CEP72: variants seen among roughly 807,000 people sequenced by gnomAD.
CEP72 encodes centrosomal protein of 72 kDa.
A neutral mutation model predicts 65.7 loss-of-function variants in CEP72; 78 were observed. The observed-to-expected ratio is 1.19, with a 90% CI of 0.99 to 1.43. The LOEUF is 1.43. Ranked by LOEUF, CEP72 falls within the 40% of genes most tolerant of loss-of-function variation. CEP72 has a pLI of 0.00. For synonymous variants in CEP72, 358 were observed against 351.7 expected, an observed-to-expected ratio of 1.02 and a Z score of -0.20; for missense variants, 914 against 832.9, an observed-to-expected ratio of 1.10 and a Z score of -1.20.
In CEP72 at chr5:645,870, T is replaced by C. The variant is rs183572030; in HGVS notation, c.1666+1445T>C. Among the ~76,000 whole-genome samples the C allele has an allele frequency of 8.6e-4, 131 of 152,364 alleles. No individual in the cohort carries two copies. Among genetic ancestry groups the C allele is most frequent in the African/African-American group, 3.1e-3 (128 of 41,582 alleles). ...ATGTTCTTGTGACTAGAAATTGCTG[T>C]GTGAGCGTCACTCCTGCTCCCGTCG... On this transcript the variant is annotated intron_variant, in intron 10 of 11. Transcript: ENST00000264935. This position sits in a 1 kb window ranked among gnomAD's most constrained non-coding sequence, Gnocchi z 4.0.
chr5:645,929 A>T lies in CEP72; in HGVS notation c.1666+1504A>T, dbSNP rs1375131309. Among the ~76,000 whole-genome samples, 1 of 143,966 alleles carries T rather than the reference A, an allele frequency of 6.9e-6. No homozygotes were observed. The highest frequency in any genetic ancestry group is 2.1e-4 in the East Asian group (1 of 4,876). 94.4% of individuals were successfully genotyped at this position (143,966 alleles called of 152,430 possible). A position where few individuals can be genotyped will look rare whatever the true frequency, so the allele number is the denominator to read the frequency against. ...TGTGGACGGTGAATTCGGCTTCGTT[A>T]CACTGTGTGAGCGTCACTCCTGCTC... On this transcript the variant is annotated intron_variant, in intron 10 of 11. Coordinates refer to ENST00000264935, the MANE Select transcript of CEP72 (RefSeq NM_018140.4). The surrounding 1 kb of genome is among the most constrained non-coding windows in gnomAD (Gnocchi z 4.0).
chr5:657,614 G>A (rs181324356), downstream of CEP72, among the ~76,000 whole-genome samples: 13 of 152,320 alleles, frequency 8.5e-5, no homozygotes, highest in East Asian at 3.9e-4. Flanking sequence ...TGGCAGAACC[G>A]TTCACACAGA....
chr5:654,437 C>CTG (rs896601794), downstream of CEP72, among the ~76,000 whole-genome samples: 18 of 147,386 alleles, frequency 1.2e-4, no homozygotes, highest in East Asian at 2.3e-3. Flanking sequence ...TGTCTGCTAG[C>CTG]TGTGTGTGTG....
rs1738381626 is a variant in CEP72, at chr5:645,876, C to T, written c.1666+1451C>T. ...TTGTGACTAGAAATTGCTGTGTGAG[C>T]GTCACTCCTGCTCCCGTCGGCGGCC... On this transcript the variant is annotated intron_variant, in intron 10 of 11. Transcript: ENST00000264935. This position sits in a 1 kb window ranked among gnomAD's most constrained non-coding sequence, Gnocchi z 4.0. 6.6e-6 allele frequency among the ~76,000 whole-genome samples: 1 copy of T among 152,152 alleles called. No individual in the cohort carries two copies. The highest frequency in any genetic ancestry group is 1.5e-5 in the Non-Finnish European group (1 of 68,030).
At chr5:676,592 G>A in the CEP72 span, 1 of 152,284 alleles carries the variant, frequency 6.6e-6, no homozygotes, top group African/African-American at 2.4e-5. Flanking sequence ...CCGAAATAAA[G>A]CCATTGCCAC....
intron 3 of CEP72, among the ~76,000 whole-genome samples, chr5:620,659 G>A (rs1256393677): frequency 6.6e-6 from 1 of 152,228 alleles, no homozygotes; most frequent in South Asian, 2.1e-4. Flanking sequence ...GCCTGGTTTT[G>A]CCCCACTTGG....
intron 3 of CEP72, among the ~76,000 whole-genome samples, chr5:621,766 G>T (rs1736410514): frequency 6.6e-6 from 1 of 152,198 alleles, no homozygotes; most frequent in African/African-American, 2.4e-5. Context: ...TTTGTATATG[G>T]AATTCTCACA....
At chr5:665,828 C>T (rs1739878454) in intron 3 of CEP72, 1 of 1,003,772 alleles carries the variant, frequency 1.0e-6, no homozygotes, top group East Asian at 2.9e-5. Context: ...CCACGCCCTC[C>T]TGACCACGCC....
intron 7 of CEP72, among the ~76,000 whole-genome samples, chr5:638,032 G>T (rs369036376): frequency 6.6e-6 from 1 of 152,318 alleles, no homozygotes; most frequent in South Asian, 2.1e-4. Context: ...CCGTGATTAC[G>T]CCTACGGCAC....
chr5:620,129 T>A lies in CEP72; in HGVS notation c.271T>A (p.Leu91Met), dbSNP rs775034451. The A allele has an allele frequency of 6.2e-7, 1 of 1,614,100 alleles. No individual in the cohort carries two copies. Among genetic ancestry groups the A allele is most frequent in the South Asian group, 1.1e-5 (1 of 91,094 alleles). The part of the protein sequence containing the change: ...LNLYYNCISS[L>M]AEVFRLHALT... ...TCTCTACTACAACTGCATCTCCTCG[T>A]TGGCAGAAGTGTTTCGGCTCCACGC... The change falls in exon 3 of 12, where the codon TTG becomes ATG. Residue 91 changes from leucine (L) to methionine (M), a missense_variant. By Grantham distance (15) the Leu-to-Met change is conservative. Coordinates refer to ENST00000264935, the MANE Select transcript of CEP72 (RefSeq NM_018140.4).
At chr5:675,213 C>G in the CEP72 span, among the ~76,000 whole-genome samples, 1 of 44,988 alleles carries the variant, frequency 2.2e-5, no homozygotes, top group African/African-American at 1.2e-4. Flanking sequence ...TCAGTGTAGC[C>G]GGGGGTGCAG....
intron 3 of CEP72, among the ~76,000 whole-genome samples, chr5:621,468 C>T (rs1361183982): frequency 6.6e-6 from 1 of 152,232 alleles, no homozygotes; most frequent in Non-Finnish European, 1.5e-5. Context: ...TGTGCCTGGC[C>T]CCTGGGTACT....
intron 9 of CEP72, chr5:643,803 G>A (rs1372741206): frequency 1.2e-5 from 3 of 248,216 alleles, no homozygotes; most frequent in Admixed American, 1.3e-4. Context: ...TCCCCTCCTC[G>A]ATGACAGCTC....
chr5:653,757 G>A (rs1342510208), downstream of CEP72, among the ~76,000 whole-genome samples: 4 of 152,190 alleles, frequency 2.6e-5, no homozygotes, highest in South Asian at 4.1e-4. Flanking sequence ...ATCTACCCAA[G>A]CCCTGGCTCG....
chr5:624,989 C>T lies in CEP72; in HGVS notation c.512+410C>T, dbSNP rs979046226. ...TTCAGCAGGACCCGTCTTCCTGGATCGAGGAGGACTTCTTCCTCCCCCACC... is the reference window on the plus strand; with the variant it reads ...TTCAGCAGGACCCGTCTTCCTGGATTGAGGAGGACTTCTTCCTCCCCCACC... On this transcript the variant is annotated intron_variant, in intron 4 of 11. Transcript: ENST00000264935. The surrounding 1 kb of genome is among the most constrained non-coding windows in gnomAD (Gnocchi z 4.7). Among the ~76,000 whole-genome samples, 28 of 152,282 alleles carry T rather than the reference C, an allele frequency of 1.8e-4. No homozygotes were observed. Among genetic ancestry groups the T allele is most frequent in the African/African-American group, 6.3e-4 (26 of 41,542 alleles).
chr5:672,964 G>C, the CEP72 span, among the ~76,000 whole-genome samples: 1 of 152,230 alleles, frequency 6.6e-6, no homozygotes. Flanking sequence ...CCCCGAGCTG[G>C]CGCCACGCCG....
intron 1 of CEP72, among the ~76,000 whole-genome samples, chr5:618,316 G>A (rs1424733108): frequency 1.3e-5 from 2 of 152,168 alleles, no homozygotes; most frequent in Non-Finnish European, 2.9e-5. Flanking sequence ...TGAGTTCTAG[G>A]TGCCTCTTTC....
chr5:650,259 C>A (rs1244029172), intron 11 of CEP72, among the ~76,000 whole-genome samples: 1 of 72,820 alleles, frequency 1.4e-5, no homozygotes, highest in Non-Finnish European at 2.4e-5. Flanking sequence ...TGAGGTGTGA[C>A]TGTGAGGCGT....
chr5:648,009 AG>A, intron 11 of CEP72, 93 bp downstream of exon 11: 1 of 736,940 alleles, frequency 1.4e-6, no homozygotes, highest in Non-Finnish European at 2.3e-6. Flanking sequence ...CAGAAGGCAC[AG>A]AGGAGCAGCT....
Sources: gnomAD v4.1 joint callset for allele counts (sites outside exome capture counted in the v4.1 genomes callset) on GRCh38, gnomAD v4.1.1 for gene constraint, Gnocchi (gnomAD v3.1) non-coding constraint, MANE v1.5 for transcripts, NCBI Gene and HGNC (gene_info 2026-07-23, HGNC 2026-07-21) for gene names.